Variants in MAPK10 observed in about 807,000 individuals in gnomAD.
MAPK10 encodes the protein JNK3 alpha protein kinase.
MAPK10 carries 25 observed loss-of-function variants against 59.3 expected under a neutral mutation model. That is an observed-to-expected ratio of 0.42 (90% CI 0.31 to 0.59). The LOEUF is 0.59. Ranked by LOEUF, MAPK10 falls within the 20% of genes least tolerant of loss-of-function variation. MAPK10 has a pLI of 0.15. For missense variants in MAPK10, 351 were observed against 568.9 expected, an observed-to-expected ratio of 0.62 and a Z score of 3.90; for synonymous variants, 190 against 200.5, an observed-to-expected ratio of 0.95 and a Z score of 0.44.
intron 11 of MAPK10, among the ~76,000 whole-genome samples, chr4:86,050,951 T>C (rs1304114248): frequency 6.6e-6 from 1 of 152,160 alleles, no homozygotes; most frequent in African/African-American, 2.4e-5. Flanking sequence ...TATCTCTCAC[T>C]TTTTACAGAG....
At chr4:86,135,293 A>G (rs2061774378) in intron 4 of MAPK10, among the ~76,000 whole-genome samples, 1 of 152,228 alleles carries the variant, frequency 6.6e-6, no homozygotes, top group African/African-American at 2.4e-5. Flanking sequence ...CCTGTCTGAC[A>G]GCTTTGAAGA....
intron 11 of MAPK10, among the ~76,000 whole-genome samples, chr4:86,057,523 A>G (rs913178449): frequency 1.3e-5 from 2 of 150,096 alleles, no homozygotes; most frequent in Middle Eastern, 3.2e-3. Context: ...ATGATAAGTT[A>G]TCAAAGATTC....
intron 1 of MAPK10, among the ~76,000 whole-genome samples, chr4:86,418,356 CT>C (rs1363975227): frequency 6.6e-6 from 1 of 152,078 alleles, no homozygotes; most frequent in Admixed American, 6.5e-5. Flanking sequence ...AACTTGTGTA[CT>C]TTTTTTCCAG....
At chr4:86,031,120 A>G (rs1389362654) in intron 12 of MAPK10, among the ~76,000 whole-genome samples, 1 of 152,212 alleles carries the variant, frequency 6.6e-6, no homozygotes, top group Non-Finnish European at 1.5e-5. Context: ...TTTAAAAGGT[A>G]TCGACAAACA....
intron 2 of MAPK10, among the ~76,000 whole-genome samples, chr4:86,307,133 G>C (rs1312324409): frequency 1.3e-5 from 2 of 152,150 alleles, no homozygotes; most frequent in East Asian, 3.9e-4. Flanking sequence ...CATAAATTGA[G>C]ATTCCAGTTC....
intron 1 of MAPK10, among the ~76,000 whole-genome samples, chr4:86,492,365 T>C (rs1411816703): frequency 1.3e-5 from 2 of 152,344 alleles, no homozygotes; most frequent in African/African-American, 4.8e-5. Flanking sequence ...TAAGTAAATA[T>C]CTGATGCTTG....
intron 2 of MAPK10, among the ~76,000 whole-genome samples, chr4:86,305,636 T>C (rs1456806155): frequency 6.6e-6 from 1 of 152,024 alleles, no homozygotes; most frequent in East Asian, 1.9e-4. Context: ...ATGGCCAACA[T>C]GGCAAAACCC....
intron 2 of MAPK10, among the ~76,000 whole-genome samples, chr4:86,233,416 C>G (rs1372084297): frequency 6.6e-6 from 1 of 152,104 alleles, no homozygotes; most frequent in East Asian, 1.9e-4. Flanking sequence ...TATAAACTCT[C>G]TGACTGACTG....
intron 2 of MAPK10, among the ~76,000 whole-genome samples, chr4:86,293,058 A>G (rs191174620): frequency 1.3e-5 from 2 of 152,322 alleles, no homozygotes; most frequent in East Asian, 1.9e-4. Context: ...AACTATGTCT[A>G]TAGTTTAAAC....
intron 9 of MAPK10, chr4:86,081,573 A>G (rs2050661375): frequency 6.6e-6 from 1 of 152,124 alleles, no homozygotes. Flanking sequence ...AAGGGAAAAT[A>G]ATAGTGGCCA....
intron 1 of MAPK10, among the ~76,000 whole-genome samples, chr4:86,593,061 T>A (rs925265698): frequency 6.6e-6 from 1 of 152,250 alleles, no homozygotes; most frequent in Non-Finnish European, 1.5e-5. Context: ...TAAGGCATAT[T>A]TGACTGAAGA....
intron 2 of MAPK10, among the ~76,000 whole-genome samples, chr4:86,308,226 C>T (rs2148863335): frequency 6.6e-6 from 1 of 152,208 alleles, no homozygotes; most frequent in South Asian, 2.1e-4. Flanking sequence ...GGTGCTGAGA[C>T]TCCTCTATTT....
chr4:86,136,253 A>G (rs2149160042), intron 4 of MAPK10, among the ~76,000 whole-genome samples: 1 of 152,280 alleles, frequency 6.6e-6, no homozygotes, highest in East Asian at 1.9e-4. Flanking sequence ...CAAAGTTGAA[A>G]TAAAGGAAAA....
intron 11 of MAPK10, chr4:86,044,456 T>C (rs1490309442): frequency 6.5e-6 from 2 of 309,578 alleles, no homozygotes; most frequent in Admixed American, 5.0e-5. Flanking sequence ...TAACCACTTA[T>C]ACAGTAGAGA....
chr4:86,180,804 T>C (rs1044334244), intron 3 of MAPK10, among the ~76,000 whole-genome samples: 1 of 151,680 alleles, frequency 6.6e-6, no homozygotes, highest in Non-Finnish European at 1.5e-5. Context: ...AAAAAGTTGA[T>C]CTCATAGAAA....
intron 2 of MAPK10, among the ~76,000 whole-genome samples, chr4:86,299,808 T>C (rs2095434740): frequency 6.6e-6 from 1 of 152,204 alleles, no homozygotes; most frequent in African/African-American, 2.4e-5. Context: ...ATAATCACTG[T>C]TCATGAATTT....
chr4:86,180,827 C>G (rs2076776321), intron 3 of MAPK10, among the ~76,000 whole-genome samples: 1 of 151,852 alleles, frequency 6.6e-6, no homozygotes, highest in African/African-American at 2.4e-5. Context: ...AAAAGTAGAA[C>G]AGAGGATACT....
chr4:86,015,790 C>G lies in MAPK10; in HGVS notation c.*1438G>C, dbSNP rs1304592434. 1.3e-5 allele frequency: 2 copies of G among 152,074 alleles called. No individual in the cohort carries two copies. The highest frequency in any genetic ancestry group is 2.9e-5 in the Non-Finnish European group (2 of 68,018). The allele number at this position is 152,074 out of a possible 1,614,324, so 9.4% of individuals were successfully genotyped here. A position where few individuals can be genotyped will look rare whatever the true frequency, so the allele number is the denominator to read the frequency against. On this transcript the variant is annotated 3_prime_UTR_variant, in exon 14 of 14. Transcript: ENST00000641462. ...TGCAGTACAAAACTCAGATGATCAG[C>G]CCTTCGATTGCTCATACTTATTAAA...
chr4:86,121,713 A>AT (rs987782038), intron 4 of MAPK10, among the ~76,000 whole-genome samples: 1 of 152,072 alleles, frequency 6.6e-6, no homozygotes, highest in African/African-American at 2.4e-5. Context: ...TCATACTCAG[A>AT]TTTTTTTGGG....
Sources: gnomAD v4.1 joint callset for allele counts (sites outside exome capture counted in the v4.1 genomes callset) on GRCh38, gnomAD v4.1.1 for gene constraint, MANE v1.5 for transcripts, NCBI Gene and HGNC (gene_info 2026-07-23, HGNC 2026-07-21) for gene names.